Variants in ST3GAL1 observed in about 807,000 individuals in gnomAD.
ST3GAL1 encodes CMP-N-acetylneuraminate-beta-galactosamide-alpha-2,3-sialyltransferase 1.
Under a neutral mutation model 34.1 loss-of-function variants are expected in ST3GAL1, and 16 were observed. The observed-to-expected ratio is 0.47, with a 90% confidence interval of 0.32 to 0.71. ST3GAL1 has a LOEUF of 0.71. ST3GAL1 is among the 30% of genes least tolerant of loss of function. ST3GAL1 has a pLI of 0.04. For synonymous variants in ST3GAL1, 191 were observed against 184.7 expected (o/e 1.03, Z -0.28); for missense variants, 353 against 447.4 (o/e 0.79, Z 1.90).
At chr8:133,568,364 A>C (rs1819469647) in intron 1 of ST3GAL1, among the ~76,000 whole-genome samples, 2 of 152,128 alleles carry the variant, frequency 1.3e-5, no homozygotes, top group African/African-American at 4.8e-5. Context: ...ACCAAATTAG[A>C]GCAGAAGAGA....
intron 2 of ST3GAL1, among the ~76,000 whole-genome samples, chr8:133,505,881 G>A (rs904513701): frequency 2.6e-5 from 4 of 152,070 alleles, no homozygotes; most frequent in African/African-American, 9.7e-5. Flanking sequence ...AATTACAGGC[G>A]TGAGCCACTG....
chr8:133,565,558 T>C (rs1819369430), intron 1 of ST3GAL1, among the ~76,000 whole-genome samples: 1 of 152,168 alleles, frequency 6.6e-6, no homozygotes, highest in African/African-American at 2.4e-5. Flanking sequence ...AAGCACATCT[T>C]TATTCAGACC....
At chr8:133,476,679 C>G (rs1178534239) in intron 3 of ST3GAL1, 79 bp from the exon 4 acceptor site, 1 of 152,300 alleles carries the variant, frequency 6.6e-6, no homozygotes, top group Admixed American at 6.5e-5. Context: ...ACATCTCCAC[C>G]AGGACGTATT....
chr8:133,558,016 G>C (rs2131101482), intron 1 of ST3GAL1, among the ~76,000 whole-genome samples: 1 of 152,034 alleles, frequency 6.6e-6, no homozygotes, highest in Admixed American at 6.5e-5. Context: ...TAGCTTCACA[G>C]CCCAGACAAC....
At position 133,520,957 on chromosome 8, in the gene ST3GAL1, G is replaced by GTT. The variant is rs1197992431; in HGVS notation, c.-428-21770_-428-21769dup. On this transcript the variant is annotated intron_variant, in intron 2 of 9. Transcript: ENST00000522652. Reference sequence around the variant, plus strand: ...CAGCTAATTTTTGTTTTTGTGGGTTGTTTTTTTTTTTTTTTGAGACAGTCT... The same window carrying GTT: ...CAGCTAATTTTTGTTTTTGTGGGTTGTTTTTTTTTTTTTTTTTGAGACAGTCT... 1.0e-2 allele frequency among the ~76,000 whole-genome samples: 886 copies of GTT among 88,860 alleles called. 5 individuals are homozygous for GTT. The highest frequency in any genetic ancestry group is 0.024 in the Middle Eastern group (4 of 168). 58.3% of individuals were successfully genotyped at this position (88,860 alleles called of 152,430 possible).
chr8:133,525,891 C>T (rs1248254728), intron 2 of ST3GAL1, among the ~76,000 whole-genome samples: 1 of 152,188 alleles, frequency 6.6e-6, no homozygotes, highest in Non-Finnish European at 1.5e-5. Flanking sequence ...CTTCCTGGGT[C>T]CCCAAGAGCA....
chr8:133,552,192 CTG>C (rs900028995), intron 1 of ST3GAL1, among the ~76,000 whole-genome samples: 3 of 152,368 alleles, frequency 2.0e-5, no homozygotes, highest in African/African-American at 7.2e-5. Context: ...CCACACCACT[CTG>C]TGTCCAGGGC....
intron 3 of ST3GAL1, among the ~76,000 whole-genome samples, chr8:133,488,764 G>A (rs1202890166): frequency 3.9e-5 from 6 of 152,198 alleles, no homozygotes; most frequent in Non-Finnish European, 5.9e-5. Context: ...TCCCAGGCAG[G>A]GGAAGCTACA....
intron 5 of ST3GAL1, among the ~76,000 whole-genome samples, chr8:133,475,078 C>T (rs1295139779): frequency 3.3e-5 from 5 of 152,216 alleles, no homozygotes; most frequent in African/African-American, 1.2e-4. Context: ...AGGATCTCTG[C>T]ATGAGATCAT....
chr8:133,560,436 C>T (rs1247730332), intron 1 of ST3GAL1, among the ~76,000 whole-genome samples: 1 of 152,244 alleles, frequency 6.6e-6, no homozygotes, highest in African/African-American at 2.4e-5. Flanking sequence ...CACGGACTCA[C>T]CCAGTGATGG....
chr8:133,481,240 C>T (rs567698556), intron 3 of ST3GAL1, among the ~76,000 whole-genome samples: 1 of 152,222 alleles, frequency 6.6e-6, no homozygotes, highest in Non-Finnish European at 1.5e-5. Context: ...TGAGCAGGTA[C>T]AGAAGTGGCA....
At chr8:133,565,142 T>TCTGTGTGC (rs1819352306) in intron 1 of ST3GAL1, among the ~76,000 whole-genome samples, 1 of 144,306 alleles carries the variant, frequency 6.9e-6, no homozygotes, top group Admixed American at 7.3e-5. Flanking sequence ...AGATAACAGC[T>TCTGTGTGC]CTGTGTGCCT....
At chr8:133,460,853 A>T (rs1489036325) in intron 9 of ST3GAL1, among the ~76,000 whole-genome samples, 1 of 151,874 alleles carries the variant, frequency 6.6e-6, no homozygotes, top group Non-Finnish European at 1.5e-5. Context: ...CAGGGAGAGG[A>T]CGTGCTATCT....
intron 3 of ST3GAL1, among the ~76,000 whole-genome samples, chr8:133,482,800 T>G (rs1055744276): frequency 3.3e-5 from 5 of 152,188 alleles, no homozygotes; most frequent in Non-Finnish European, 7.3e-5. Context: ...GAAGAATGAC[T>G]CCTTTCTGAA....
Position 133,466,184 on chromosome 8 carries a change from G to T in ST3GAL1, c.307-94C>A. The stretch of plus-strand genomic sequence containing the variant: ...GAGCTACCTGCTGTCGTTTACTGGG[G>T]CCCTCCTGTTCACCCTTCTCTCTGC... On this transcript the variant is annotated intron_variant, in intron 5 of 9. Coordinates refer to ENST00000522652, the MANE Select transcript of ST3GAL1 (RefSeq NM_173344.3). The surrounding 1 kb of genome is among the most constrained non-coding windows in gnomAD (Gnocchi z 4.4). 7.5e-7 allele frequency: 1 copy of T among 1,328,550 alleles called. No individual in the cohort carries two copies. The allele number at this position is 1,328,550 out of a possible 1,614,324, so 82.3% of individuals were successfully genotyped here.
chr8:133,559,073 G>A (rs1006665686), intron 1 of ST3GAL1, among the ~76,000 whole-genome samples: 5 of 151,868 alleles, frequency 3.3e-5, no homozygotes, highest in South Asian at 2.1e-4. Context: ...ATGTGTGCAC[G>A]TCCTAAGCCA....
At chr8:133,512,050 T>TCAAAA (rs930421693) in intron 2 of ST3GAL1, among the ~76,000 whole-genome samples, 3 of 152,096 alleles carry the variant, frequency 2.0e-5, no homozygotes, top group Non-Finnish European at 2.9e-5. Flanking sequence ...AGACTCTGTC[T>TCAAAA]CAAAACAAAA....
rs552873446 is a variant in ST3GAL1, at chr8:133,557,717, G to A, written c.-581-11791C>T. ...ACAAAAATTAGCCAGGCGTGGTGGC[G>A]CGTGCCTGTAATCCCAGCTACTTAG... On this transcript the variant is annotated intron_variant, in intron 1 of 9. Coordinates refer to ENST00000522652, the MANE Select transcript of ST3GAL1 (RefSeq NM_173344.3). Among the ~76,000 whole-genome samples the A allele has an allele frequency of 1.6e-3, 241 of 152,146 alleles. 2 individuals are homozygous for A. Among genetic ancestry groups the A allele is most frequent in the Non-Finnish European group, 6.0e-4 (41 of 68,002 alleles).
At chr8:133,468,164 C>T (rs1815815105) in intron 5 of ST3GAL1, among the ~76,000 whole-genome samples, 1 of 152,018 alleles carries the variant, frequency 6.6e-6, no homozygotes, top group Non-Finnish European at 1.5e-5. Flanking sequence ...TATTGGTATA[C>T]CCATGTTCAA....
Sources: gnomAD v4.1 joint callset for allele counts (sites outside exome capture counted in the v4.1 genomes callset) on GRCh38, gnomAD v4.1.1 for gene constraint, Gnocchi (gnomAD v3.1) non-coding constraint, MANE v1.5 for transcripts, NCBI Gene and HGNC (gene_info 2026-07-23, HGNC 2026-07-21) for gene names.